The following KLHL20 variants were observed in gnomAD, a reference collection of about 807,000 sequenced individuals.
KLHL20 encodes the protein kelch-like protein 20.
A neutral mutation model predicts 69.5 loss-of-function variants in KLHL20; 29 were observed. The observed-to-expected ratio is 0.42, with a 90% CI of 0.31 to 0.57. The LOEUF (loss-of-function observed/expected upper bound fraction) is 0.57, where lower values mean the gene tolerates loss of function less well. Among genes scored for constraint, KLHL20 ranks in the 20% least tolerant of loss-of-function variants. The pLI is 0.18. For synonymous variants in KLHL20, 253 were observed against 265.2 expected, an observed-to-expected ratio of 0.95 and a Z score of 0.45; for missense variants, 419 against 776.0, an observed-to-expected ratio of 0.54 and a Z score of 5.47.
intron 7 of KLHL20, among the ~76,000 whole-genome samples, chr1:173,764,389 A>G (rs1411365164): frequency 6.6e-6 from 1 of 151,932 alleles, no homozygotes; most frequent in East Asian, 1.9e-4. Flanking sequence ...TACTCAGAGG[A>G]AAAGAAGTCA....
chr1:173,780,849 C>G lies in KLHL20; in HGVS notation c.1639-1275C>G, dbSNP rs556059313. ...GGCTCAAGTGATTCTCCTGCCTCAG[C>G]CTCCCGAGTAGCTAGGACTACAGGT... On this transcript the variant is annotated intron_variant, in intron 10 of 11. Coordinates refer to ENST00000209884, the MANE Select transcript of KLHL20 (RefSeq NM_014458.4). 5.9e-5 allele frequency among the ~76,000 whole-genome samples: 9 copies of G among 152,128 alleles called. No homozygotes were observed. The East Asian group carries it at 1.6e-3, about 26-fold the overall frequency.
In KLHL20 at chr1:173,758,065, T is replaced by C. The variant is rs368623911; in HGVS notation, c.1151+906T>C. On this transcript the variant is annotated intron_variant, in intron 7 of 11. Coordinates refer to ENST00000209884, the MANE Select transcript of KLHL20 (RefSeq NM_014458.4). ...TTAAAAAGCAGAGGGATCAGTCCCA[T>C]AGAAGTAAAACAACTGCAACATGGA... Among the ~76,000 whole-genome samples, 43 of 152,208 alleles carry C rather than the reference T, an allele frequency of 2.8e-4. No homozygotes were observed. The East Asian group carries it at 6.8e-3, about 24-fold the overall frequency.
chr1:173,729,321 T>A (rs1434096833), intron 2 of KLHL20, among the ~76,000 whole-genome samples: 1 of 152,216 alleles, frequency 6.6e-6, no homozygotes, highest in Non-Finnish European at 1.5e-5. Context: ...CCGTTCCTTC[T>A]GAAACTATTC....
chr1:173,784,009 G>T (rs1287674711), intron 11 of KLHL20, among the ~76,000 whole-genome samples: 1 of 151,678 alleles, frequency 6.6e-6, no homozygotes, highest in Non-Finnish European at 1.5e-5. Context: ...AACCCAGAAG[G>T]TGGAGGTTGC....
intron 10 of KLHL20, among the ~76,000 whole-genome samples, chr1:173,781,581 G>A (rs1648881069): frequency 6.6e-6 from 1 of 152,144 alleles, no homozygotes; most frequent in South Asian, 2.1e-4. Flanking sequence ...CTCCCAAAGT[G>A]AGAAAGTTTT....
At chr1:173,755,866 G>A in intron 5 of KLHL20, 57 bp from the exon 6 acceptor site, 1 of 1,136,636 alleles carries the variant, frequency 8.8e-7, no homozygotes, top group Non-Finnish European at 1.3e-6. Context: ...ACTACATTGG[G>A]ACTTAACTAA....
chr1:173,770,700 G>GA (rs531081379), intron 8 of KLHL20, among the ~76,000 whole-genome samples: 170 of 131,312 alleles, frequency 1.3e-3, no homozygotes, highest in Admixed American at 2.5e-3. Context: ...AAAGAGAGAG[G>GA]AAAAAAAAAA....
At chr1:173,757,361 C>T (rs557964105) in intron 7 of KLHL20, among the ~76,000 whole-genome samples, 9 of 152,224 alleles carry the variant, frequency 5.9e-5, no homozygotes, top group African/African-American at 2.2e-4. Context: ...GACACACTAC[C>T]ACTCCCTAAG....
At chr1:173,720,111 G>A (rs1301726169) in intron 2 of KLHL20, among the ~76,000 whole-genome samples, 1 of 152,156 alleles carries the variant, frequency 6.6e-6, no homozygotes, top group African/African-American at 2.4e-5. Flanking sequence ...GACAGGGCGA[G>A]ACTTCATCTC....
chr1:173,731,238 G>GAGAAAT (rs1345639878), intron 2 of KLHL20, among the ~76,000 whole-genome samples: 3 of 152,196 alleles, frequency 2.0e-5, no homozygotes, highest in Non-Finnish European at 4.4e-5. Context: ...AGAGGATGTG[G>GAGAAAT]AGAAATAGAA....
chr1:173,729,070 A>G (rs1672121801), intron 2 of KLHL20, among the ~76,000 whole-genome samples: 1 of 152,222 alleles, frequency 6.6e-6, no homozygotes, highest in Non-Finnish European at 1.5e-5. Flanking sequence ...CAGAAATACA[A>G]ACTACCATCA....
chr1:173,758,061 C>T lies in KLHL20; in HGVS notation c.1151+902C>T, dbSNP rs148958866. On this transcript the variant is annotated intron_variant, in intron 7 of 11. Coordinates refer to ENST00000209884, the MANE Select transcript of KLHL20 (RefSeq NM_014458.4). ...AATCTTAAAAAGCAGAGGGATCAGT[C>T]CCATAGAAGTAAAACAACTGCAACA... Among the ~76,000 whole-genome samples the T allele has an allele frequency of 7.9e-5, 12 of 152,140 alleles. No individual in the cohort carries two copies. In the East Asian group the frequency reaches 2.3e-3, roughly 29 times the overall value.
chr1:173,758,646 A>G (rs1673660169), intron 7 of KLHL20, among the ~76,000 whole-genome samples: 3 of 152,294 alleles, frequency 2.0e-5, no homozygotes, highest in East Asian at 1.9e-4. Flanking sequence ...GAAGTTTCCA[A>G]CTTTACCTGG....
intron 5 of KLHL20, among the ~76,000 whole-genome samples, chr1:173,753,863 C>G (rs989045537): frequency 6.6e-6 from 1 of 152,108 alleles, no homozygotes; most frequent in Non-Finnish European, 1.5e-5. Context: ...AAAAAAGCAA[C>G]CTATTTTACT....
chr1:173,757,917 A>G (rs1416915165), intron 7 of KLHL20, among the ~76,000 whole-genome samples: 3 of 152,192 alleles, frequency 2.0e-5, no homozygotes, highest in Non-Finnish European at 4.4e-5. Flanking sequence ...TGATGTTTCA[A>G]TAGCTTCTTG....
rs1021352729 is a variant in KLHL20, at chr1:173,747,000, TGGAA to T, written c.598-4761_598-4758del. ...TTAATAGTTTTTTTTAATTTCTAGA[TGGAA>T]GGGTTTTTTGTGTTTTTTAATTTCA... On this transcript the variant is annotated intron_variant, in intron 3 of 11. Transcript: ENST00000209884. Among the ~76,000 whole-genome samples, 198 of 152,058 alleles carry T rather than the reference TGGAA, an allele frequency of 1.3e-3. 2 individuals are homozygous for T. The highest frequency in any genetic ancestry group is 4.5e-3 in the African/African-American group (189 of 41,562).
In KLHL20 at chr1:173,753,224, T is replaced by C. The variant is rs201088189; in HGVS notation, c.768T>C (p.His256=). ...TTATTTTCTCATAGGTGCTGCAGCA[T>C]GTTCGTTTGCCTTTGCTTAGTCCCA... ...RRPQLPQVLQ[H]VRLPLLSPKF... is the part of the protein sequence containing the mutation. The change falls in exon 5 of 12, where the codon CAT becomes CAC. Residue 256 remains histidine, a synonymous_variant. Transcript: ENST00000209884. 6.2e-7 allele frequency: 1 copy of C among 1,613,622 alleles called. No individual in the cohort carries two copies. Among genetic ancestry groups the C allele is most frequent in the Non-Finnish European group, 8.5e-7 (1 of 1,179,580 alleles).
chr1:173,736,964 T>A (rs1018045893), intron 3 of KLHL20, among the ~76,000 whole-genome samples: 7 of 152,208 alleles, frequency 4.6e-5, no homozygotes, highest in Admixed American at 4.6e-4. Context: ...TGGTTTTGAT[T>A]TGCTGATCAT....
chr1:173,775,821 C>G lies in KLHL20; in HGVS notation c.1617C>G (p.Ala539=), dbSNP rs1571932646. ...PRTNQWSPVV[A]MTSRRSGVGL... ...CCAACCAGTGGTCTCCAGTGGTGGC[C>G]ATGACATCACGCCGTAGTGGAGTAA... Residue 539 remains alanine (A), a synonymous_variant, in exon 10 of 12, where the codon GCC becomes GCG. Transcript: ENST00000209884. 6.2e-7 allele frequency: 1 copy of G among 1,614,096 alleles called. No homozygotes were observed. Among genetic ancestry groups the G allele is most frequent in the East Asian group, 2.2e-5 (1 of 44,890 alleles).
Sources: gnomAD v4.1 joint callset for allele counts (sites outside exome capture counted in the v4.1 genomes callset) on GRCh38, gnomAD v4.1.1 for gene constraint, MANE v1.5 for transcripts, NCBI Gene and HGNC (gene_info 2026-07-23, HGNC 2026-07-21) for gene names.